The following DSG4 variants were observed in gnomAD, a reference collection of about 807,000 sequenced individuals.
The protein encoded by DSG4 is desmoglein 4, also known as desmoglein-4.
Under a neutral mutation model 93.1 loss-of-function variants are expected in DSG4, and 87 were observed. That is an observed-to-expected ratio of 0.93 (90% CI 0.79 to 1.12). The LOEUF (loss-of-function observed/expected upper bound fraction) is 1.12. Among genes scored for constraint, DSG4 ranks in the 50% most tolerant of loss-of-function variants. The pLI is 0.00. For missense variants in DSG4, 1,373 were observed against 1,285.7 expected, an observed-to-expected ratio of 1.07 and a Z score of -1.04; for synonymous variants, 432 against 452.9, an observed-to-expected ratio of 0.95 and a Z score of 0.59.
At chr18:31,401,355 G>A (rs1415122243) in intron 10 of DSG4, among the ~76,000 whole-genome samples, 1 of 152,142 alleles carries the variant, frequency 6.6e-6, no homozygotes, top group African/African-American at 2.4e-5. Flanking sequence ...TTAAAGTAAG[G>A]GCTACGTGCT....
chr18:31,403,253 A>G (rs1349069232), intron 10 of DSG4, among the ~76,000 whole-genome samples, 163 bp from the exon 11 acceptor site: 1 of 152,232 alleles, frequency 6.6e-6, no homozygotes, highest in African/African-American at 2.4e-5. Context: ...GTAGCACACA[A>G]AGGGAAGAGT....
Position 31,389,018 on chromosome 18 carries a change from A to G in DSG4, c.517A>G (p.Asn173Asp). ...TASIEENSDANTLVVKLCATD... is the reference protein window; with the variant it reads ...TASIEENSDADTLVVKLCATD... ...CAGCATTGAAGAAAATAGTGATGCC[A>G]GTAAGTAGAATGACATTCCTTCTCT... Residue 173 changes from asparagine (N) to aspartate (D), a missense_variant and splice_region_variant, in exon 5 of 16, where the codon AAT (asparagine) becomes GAT (aspartate). By Grantham distance (23) the Asn-to-Asp change is conservative. Transcript: ENST00000308128. 6.2e-7 allele frequency: 1 copy of G among 1,613,020 alleles called. No homozygotes were observed. The highest frequency in any genetic ancestry group is 8.5e-7 in the Non-Finnish European group (1 of 1,179,158).
chr18:31,394,072 A>C (rs2072278102), intron 8 of DSG4, among the ~76,000 whole-genome samples: 1 of 152,186 alleles, frequency 6.6e-6, no homozygotes, highest in African/African-American at 2.4e-5. Flanking sequence ...CCCCTGTTTC[A>C]TAAATAGTTT....
intron 6 of DSG4, 54 bp downstream of exon 6, chr18:31,390,876 A>G (rs1317319470): frequency 3.5e-5 from 55 of 1,582,546 alleles, no homozygotes; most frequent in Admixed American, 2.3e-4. Flanking sequence ...TGAAAAGACA[A>G]AGATAAAATG....
Position 31,388,446 on chromosome 18 carries a change from T to TCG in DSG4, c.296_297insCG (p.Phe100AspfsTer17). 1.2e-6 allele frequency: 2 copies of TCG among 1,613,558 alleles called. No individual in the cohort carries two copies. The highest frequency in any genetic ancestry group is 1.7e-6 in the Non-Finnish European group (2 of 1,179,642). On this transcript the variant is annotated frameshift_variant, in exon 4 of 16. Transcript: ENST00000308128. LOFTEE classifies it high-confidence loss of function. ...GGGATTGATCGACCACCATATGGGGTATTCACCATTAATCCTCGCACTGGG... is the reference window on the plus strand; with the variant it reads ...GGGATTGATCGACCACCATATGGGGTCGATTCACCATTAATCCTCGCACTGGG...
In DSG4 at chr18:31,388,913, GA is replaced by G; in HGVS notation, c.415del (p.Arg139GlyfsTer12). 6.2e-7 allele frequency: 1 copy of G among 1,613,618 alleles called. No homozygotes were observed. Among genetic ancestry groups the G allele is most frequent in the Non-Finnish European group, 8.5e-7 (1 of 1,179,670 alleles). The part of the protein sequence containing the change: ...RALNSRGEDL[E>X]RPLELRVKVM... ...TCTGAATTCACGGGGTGAAGATTTA[GA>G]AAGGCCTCTTGAGCTTAGAGTCAAA... On this transcript the variant is annotated frameshift_variant, in exon 5 of 16. Transcript: ENST00000308128. LOFTEE classifies it high-confidence loss of function.
Position 31,388,463 on chromosome 18 carries a change from C to T in DSG4, c.313C>T (p.Arg105Cys), listed in dbSNP as rs374554073. 2.4e-5 allele frequency: 39 copies of T among 1,613,542 alleles called. No homozygotes were observed. The highest frequency in any genetic ancestry group is 3.1e-5 in the Non-Finnish European group (36 of 1,179,642). Reference protein sequence around the residue: ...PPYGVFTINPRTGEINITSVV... With the variant: ...PPYGVFTINPCTGEINITSVV... ...ATATGGGGTATTCACCATTAATCCT[C>T]GCACTGGGGAAATTAACATCACTTC... The change falls in exon 4 of 16, where the codon CGC becomes TGC. Residue 105 changes from arginine to cysteine, a missense_variant. By Grantham distance (180) the Arg-to-Cys change is radical. Coordinates refer to ENST00000308128, the MANE Select transcript of DSG4 (RefSeq NM_177986.5).
intron 8 of DSG4, among the ~76,000 whole-genome samples, chr18:31,393,647 C>T (rs761570400): frequency 5.3e-5 from 8 of 152,182 alleles, no homozygotes; most frequent in Non-Finnish European, 8.8e-5. Context: ...TTGGGAATCA[C>T]ATTTAAAGAT....
At chr18:31,401,372 A>C (rs2144199711) in intron 10 of DSG4, among the ~76,000 whole-genome samples, 1 of 152,320 alleles carries the variant, frequency 6.6e-6, no homozygotes, top group Non-Finnish European at 1.5e-5. Context: ...TGCTCTACAA[A>C]GTTCATTTGG....
Position 31,403,557 on chromosome 18 carries a change from A to G in DSG4, c.1559A>G (p.Tyr520Cys). The G allele has an allele frequency of 5.6e-6, 9 of 1,614,076 alleles. No homozygotes were observed. The highest frequency in any genetic ancestry group is 7.6e-6 in the Non-Finnish European group (9 of 1,179,952). ...SVLISVNEHS[Y>C]GSPFTFCVVD... ...CTTATCTCTGTTAATGAACATTCTTATGGGTCTCCGTTTACTTTCTGTGTT... is the reference window on the plus strand; with the variant it reads ...CTTATCTCTGTTAATGAACATTCTTGTGGGTCTCCGTTTACTTTCTGTGTT... The change falls in exon 11 of 16, where the codon TAT (tyrosine) becomes TGT (cysteine). Residue 520 changes from tyrosine (Y) to cysteine (C), a missense_variant. Coordinates refer to ENST00000308128, the MANE Select transcript of DSG4 (RefSeq NM_177986.5).
rs116918842 is a variant in DSG4, at chr18:31,412,321, C to A, written c.2356-507C>A. Among the ~76,000 whole-genome samples, 1,004 of 152,216 alleles carry A rather than the reference C, an allele frequency of 6.6e-3. 5 individuals are homozygous for A. Among genetic ancestry groups the A allele is most frequent in the Middle Eastern group, 0.017 (5 of 294 alleles). ...CATCTGTGGAAGCTAAAAGGAAAAA[C>A]CGAACTCATGGAGATAGAGAGTAGA... On this transcript the variant is annotated intron_variant, in intron 15 of 15. Coordinates refer to ENST00000308128, the MANE Select transcript of DSG4 (RefSeq NM_177986.5).
rs762432591 is a variant in DSG4 at position 31,392,277 on chromosome 18, T to G, written c.942T>G (p.Asp314Glu). ...AATATTTAATTCTCTCTGGAAATGA[T>G]GGGAATTGGTTCGATATTCAAACAG... ...LAQYLILSGN[D>E]GNWFDIQTDP... The change falls in exon 8 of 16, where the codon GAT becomes GAG. Residue 314 changes from aspartate to glutamate, a missense_variant. Transcript: ENST00000308128. 6.2e-7 allele frequency: 1 copy of G among 1,613,766 alleles called. No individual in the cohort carries two copies. Among genetic ancestry groups the G allele is most frequent in the East Asian group, 2.2e-5 (1 of 44,780 alleles).
chr18:31,383,212 C>T (rs796476612), intron 1 of DSG4, among the ~76,000 whole-genome samples: 7 of 152,306 alleles, frequency 4.6e-5, no homozygotes, highest in East Asian at 1.9e-4. Flanking sequence ...GAGTCTGAAA[C>T]AGGAAGAAGC....
rs146548318 is a variant in DSG4 at position 31,406,436 on chromosome 18, G to A, written c.1933+63G>A. 640 of 1,599,528 alleles carry A rather than the reference G, an allele frequency of 4.0e-4. 3 individuals carry two copies. The African/African-American group carries it at 5.8e-3, about 14-fold the overall frequency. On this transcript the variant is annotated intron_variant, in intron 12 of 15. Transcript: ENST00000308128. Reference sequence around the variant, plus strand: ...TCAAAATAGGGCTGTTACGAGGCTCGCTGGGATGGTTAGGTTCATGGAGCC... The same window carrying A: ...TCAAAATAGGGCTGTTACGAGGCTCACTGGGATGGTTAGGTTCATGGAGCC...
chr18:31,399,609 A>C, intron 9 of DSG4, 66 bp downstream of exon 9: 1 of 1,602,216 alleles, frequency 6.2e-7, no homozygotes, highest in Non-Finnish European at 8.5e-7. Context: ...GCATGCGCTA[A>C]TATATGTTGG....
At chr18:31,395,243 C>A (rs2072293601) in intron 8 of DSG4, among the ~76,000 whole-genome samples, 1 of 147,000 alleles carries the variant, frequency 6.8e-6, no homozygotes, top group Non-Finnish European at 1.5e-5. Context: ...TCTGTGATAA[C>A]AACTTTTTTA....
At chr18:31,395,201 G>A (rs1045146819) in intron 8 of DSG4, among the ~76,000 whole-genome samples, 22 of 151,336 alleles carry the variant, frequency 1.5e-4, no homozygotes, top group African/African-American at 2.4e-5. Flanking sequence ...AACAATGCAG[G>A]CAATGTACTA....
chr18:31,396,646 G>A (rs1598743723), intron 8 of DSG4, among the ~76,000 whole-genome samples: 1 of 151,978 alleles, frequency 6.6e-6, no homozygotes. Flanking sequence ...GTGAGCCACC[G>A]CACCCAGCCA....
chr18:31,407,647 C>T (rs951042974), intron 12 of DSG4, among the ~76,000 whole-genome samples: 3 of 152,152 alleles, frequency 2.0e-5, no homozygotes, highest in Non-Finnish European at 2.9e-5. Context: ...GTAATCATTT[C>T]AAGGCATAAA....
Sources: allele counts gnomAD v4.1 joint callset (sites outside exome capture counted in the v4.1 genomes callset), GRCh38; gene constraint gnomAD v4.1.1; transcripts MANE v1.5; gene names NCBI Gene and HGNC (gene_info 2026-07-23, HGNC 2026-07-21).